INHA: variants seen among roughly 807,000 people sequenced by gnomAD.
INHA encodes the protein inhibin alpha chain.
In INHA, 8 loss-of-function variants were observed where a neutral mutation model predicts 21.3. That is an observed-to-expected ratio of 0.38 (90% CI 0.22 to 0.68). INHA has a LOEUF of 0.68. Among genes scored for constraint, INHA ranks in the 30% least tolerant of loss-of-function variants. The pLI, the probability that INHA is intolerant of heterozygous loss-of-function variation, is 0.53. For synonymous variants in INHA, 231 were observed against 207.5 expected, an observed-to-expected ratio of 1.11 and a Z score of -0.97; for missense variants, 436 against 465.8, an observed-to-expected ratio of 0.94 and a Z score of 0.59.
chr2:219,575,004 C>A lies in INHA; in HGVS notation c.579C>A (p.Val193=). The stretch of plus-strand genomic sequence containing the variant: ...CTCTCTCTCTGCTGACCCACCCCGT[C>A]CTGGTGCTGCTGCTGCGCTGTCCCC... ...TSALSLLTHP[V]LVLLLRCPLC... The change falls in exon 2 of 2, where the codon GTC becomes GTA. Residue 193 remains valine (V), a synonymous_variant. Transcript: ENST00000243786. 1 of 1,613,378 alleles carries A rather than the reference C, an allele frequency of 6.2e-7. No homozygotes were observed. The highest frequency in any genetic ancestry group is 8.5e-7 in the Non-Finnish European group (1 of 1,180,034).
rs1191956579 is a variant in INHA, at chr2:219,572,328, G to C, written c.-47G>C. On this transcript the variant is annotated 5_prime_UTR_variant, in exon 1 of 2. Transcript: ENST00000243786. ...GCCCTGGGCAGACCCTGGCAGAAGGGGCACGGGGCAGGGTGTGAGTTCCCC... is the reference window on the plus strand; with the variant it reads ...GCCCTGGGCAGACCCTGGCAGAAGGCGCACGGGGCAGGGTGTGAGTTCCCC... 6.2e-7 allele frequency: 1 copy of C among 1,612,816 alleles called. No homozygotes were observed. Among genetic ancestry groups the C allele is most frequent in the Admixed American group, 1.7e-5 (1 of 60,032 alleles).
At chr2:219,573,038 G>C (rs1467683551) in intron 1 of INHA, among the ~76,000 whole-genome samples, 1 of 152,244 alleles carries the variant, frequency 6.6e-6, no homozygotes, top group African/African-American at 2.4e-5. Context: ...AGCTATCAGA[G>C]ATACAGGCAA....
rs1373875455 is a variant in INHA, at chr2:219,572,537, G to T, written c.163G>T (p.Val55Phe). The T allele has an allele frequency of 6.3e-7, 1 of 1,590,104 alleles. No homozygotes were observed. Among genetic ancestry groups the T allele is most frequent in the South Asian group, 1.1e-5 (1 of 88,514 alleles). ...AVTREGGDPG[V>F]RRLPRRHALG... is the part of the protein sequence containing the mutation. ...GACCAGGGAAGGTGGGGACCCTGGA[G>T]TCAGGCGGCTGCCCCGAAGACATGC... Residue 55 changes from valine (V) to phenylalanine (F), a missense_variant, in exon 1 of 2, where the codon GTC becomes TTC. Physicochemically the swap from Val to Phe is conservative, Grantham distance 50 (BLOSUM62 -1). Transcript: ENST00000243786.
rs773831859 is a variant in INHA at position 219,575,116 on chromosome 2, C to T, written c.691C>T (p.Arg231Ter). Residue 231 changes from arginine to a stop codon, truncating the protein, a stop_gained, in exon 2 of 2, where the codon CGA becomes TGA. Coordinates refer to ENST00000243786, the MANE Select transcript of INHA (RefSeq NM_002191.4). LOFTEE classifies it high-confidence loss of function. ...ACCACCCAGTGGAGGGGAGAGAGCC[C>T]GACGCTCAACTCCCCTGATGTCCTG... Reference protein sequence around the residue: ...TRPPSGGERARRSTPLMSWPW... With the variant: ...TRPPSGGERA The T allele has an allele frequency of 4.3e-6, 7 of 1,613,994 alleles. No homozygotes were observed. The highest frequency in any genetic ancestry group is 1.7e-5 in the Admixed American group (1 of 60,008).
chr2:219,575,608 G>A lies in INHA; in HGVS notation c.*82G>A. Reference sequence around the variant, plus strand: ...CAGCTGGGAGGAAAGGCAGAGTTGGGAAATAGATGGCTCCCACTCCTCCCT... The same window carrying A: ...CAGCTGGGAGGAAAGGCAGAGTTGGAAAATAGATGGCTCCCACTCCTCCCT... On this transcript the variant is annotated 3_prime_UTR_variant, in exon 2 of 2. Coordinates refer to ENST00000243786, the MANE Select transcript of INHA (RefSeq NM_002191.4). 8.8e-7 allele frequency: 1 copy of A among 1,142,160 alleles called. No homozygotes were observed. The highest frequency in any genetic ancestry group is 1.3e-6 in the Non-Finnish European group (1 of 762,842). 70.8% of individuals were successfully genotyped at this position (1,142,160 alleles called of 1,614,324 possible). A position where few individuals can be genotyped will look rare whatever the true frequency, so the allele number is the denominator to read the frequency against.
Position 219,575,471 on chromosome 2 carries a change from C to A in INHA, c.1046C>A (p.Ser349Tyr). ...CGCACCACCTCGGATGGAGGTTACT[C>A]TTTCAAGTATGAGACAGTGCCCAAC... ...HVRTTSDGGY[S>Y]FKYETVPNLL... The change falls in exon 2 of 2, where the codon TCT (serine) becomes TAT (tyrosine). Residue 349 changes from serine to tyrosine, a missense_variant. Physicochemically the swap from Ser to Tyr is moderately radical, Grantham distance 144. Coordinates refer to ENST00000243786, the MANE Select transcript of INHA (RefSeq NM_002191.4). The A allele has an allele frequency of 6.2e-7, 1 of 1,614,066 alleles. No homozygotes were observed. The highest frequency in any genetic ancestry group is 8.5e-7 in the Non-Finnish European group (1 of 1,180,034).
rs1466731206 is a variant in INHA at position 219,575,469 on chromosome 2, C to T, written c.1044C>T (p.Tyr348=). ...LHVRTTSDGG[Y]SFKYETVPNL... is the part of the protein sequence containing the mutation. Reference sequence around the variant, plus strand: ...TCCGCACCACCTCGGATGGAGGTTACTCTTTCAAGTATGAGACAGTGCCCA... The same window carrying T: ...TCCGCACCACCTCGGATGGAGGTTATTCTTTCAAGTATGAGACAGTGCCCA... The change falls in exon 2 of 2, where the codon TAC becomes TAT. Residue 348 remains tyrosine (Y), a synonymous_variant. Coordinates refer to ENST00000243786, the MANE Select transcript of INHA (RefSeq NM_002191.4). The T allele has an allele frequency of 1.9e-6, 3 of 1,613,966 alleles. No individual in the cohort carries two copies. The highest frequency in any genetic ancestry group is 1.3e-5 in the African/African-American group (1 of 74,936).
Position 219,575,076 on chromosome 2 carries a change from C to T in INHA, c.651C>T (p.Ala217=). The T allele has an allele frequency of 2.5e-6, 4 of 1,613,852 alleles. No individual in the cohort carries two copies. Among genetic ancestry groups the T allele is most frequent in the Non-Finnish European group, 3.4e-6 (4 of 1,180,026 alleles). Residue 217 remains alanine (A), a synonymous_variant, in exon 2 of 2, where the codon GCC becomes GCT. Coordinates refer to ENST00000243786, the MANE Select transcript of INHA (RefSeq NM_002191.4). ...ARPEATPFLV[A]HTRTRPPSGG... ...CTGAGGCCACGCCCTTCCTGGTGGC[C>T]CACACTCGGACCAGACCACCCAGTG...
chr2:219,573,330 C>T (rs1574595771), intron 1 of INHA, among the ~76,000 whole-genome samples: 1 of 152,350 alleles, frequency 6.6e-6, no homozygotes, highest in East Asian at 1.9e-4. Flanking sequence ...GCCTCAGTTT[C>T]CTTATCTGCA....
Sources: gnomAD v4.1 joint callset for allele counts (sites outside exome capture counted in the v4.1 genomes callset) on GRCh38, gnomAD v4.1.1 for gene constraint, MANE v1.5 for transcripts, NCBI Gene and HGNC (gene_info 2026-07-23, HGNC 2026-07-21) for gene names.